MACROD2: variants seen among roughly 807,000 people sequenced by gnomAD.
MACROD2 encodes mono-ADP ribosylhydrolase 2.
MACROD2 carries 36 observed loss-of-function variants against 70.4 expected under a neutral mutation model. The observed-to-expected ratio is 0.51, with a 90% CI of 0.39 to 0.68. The LOEUF is 0.68. Ranked by LOEUF, MACROD2 falls within the 30% of genes least tolerant of loss-of-function variation. The pLI is 0.00. For missense variants in MACROD2, 496 were observed against 538.4 expected (o/e 0.92, Z 0.78); for synonymous variants, 172 against 178.8 (o/e 0.96, Z 0.30).
intron 8 of MACROD2, among the ~76,000 whole-genome samples, chr20:15,819,634 G>A (rs2063917952): frequency 6.6e-6 from 1 of 151,588 alleles, no homozygotes; most frequent in Non-Finnish European, 1.5e-5. Flanking sequence ...AGATGGGCAT[G>A]AAGGACATTT....
At chr20:14,058,791 G>GT (rs2053660212) in intron 2 of MACROD2, among the ~76,000 whole-genome samples, 1 of 151,620 alleles carries the variant, frequency 6.6e-6, no homozygotes, top group African/African-American at 2.4e-5. Context: ...CTACAGGCAT[G>GT]TGCCACCACA....
At chr20:14,259,552 CAG>C (rs1456369880) in intron 3 of MACROD2, among the ~76,000 whole-genome samples, 1 of 152,036 alleles carries the variant, frequency 6.6e-6, no homozygotes, top group African/African-American at 2.4e-5. Context: ...AACAAAAAAA[CAG>C]AAAGATGAGC....
At chr20:14,123,200 C>T (rs2054606530) in intron 3 of MACROD2, among the ~76,000 whole-genome samples, 1 of 152,090 alleles carries the variant, frequency 6.6e-6, no homozygotes, top group African/African-American at 2.4e-5. Context: ...CTGAATGTTA[C>T]AAAACTTTAA....
At chr20:14,312,827 T>C (rs2082578896) in intron 3 of MACROD2, among the ~76,000 whole-genome samples, 3 of 152,210 alleles carry the variant, frequency 2.0e-5, no homozygotes, top group African/African-American at 7.2e-5. Context: ...TGCTAGTAAG[T>C]GGTAGAAGCA....
chr20:15,610,190 C>T (rs1301057812), intron 8 of MACROD2, among the ~76,000 whole-genome samples: 2 of 152,158 alleles, frequency 1.3e-5, no homozygotes, highest in Non-Finnish European at 2.9e-5. Context: ...AGTATGTTAC[C>T]CATCTACTTC....
chr20:15,134,783 G>A (rs573592231), intron 5 of MACROD2, among the ~76,000 whole-genome samples: 7 of 152,144 alleles, frequency 4.6e-5, no homozygotes, highest in Non-Finnish European at 8.8e-5. Context: ...CCAGTTGCTG[G>A]TTTTTTGAAA....
At chr20:15,484,840 C>T (rs147397217) in intron 7 of MACROD2, among the ~76,000 whole-genome samples, 3 of 152,230 alleles carry the variant, frequency 2.0e-5, no homozygotes, top group African/African-American at 4.8e-5. Flanking sequence ...AGAGTTTAGG[C>T]TTTTCTACTC....
chr20:14,045,599 T>C (rs979999792), intron 2 of MACROD2, among the ~76,000 whole-genome samples: 2 of 152,096 alleles, frequency 1.3e-5, no homozygotes, highest in African/African-American at 4.8e-5. Flanking sequence ...ATTGATAGAG[T>C]CTAAATGAAG....
intron 5 of MACROD2, among the ~76,000 whole-genome samples, chr20:14,950,146 G>C (rs2073908206): frequency 6.6e-6 from 1 of 152,066 alleles, no homozygotes; most frequent in Non-Finnish European, 1.5e-5. Flanking sequence ...TGAAAACGTG[G>C]GGCCAGGTTG....
chr20:14,832,825 G>A lies in MACROD2; in HGVS notation c.418+147866G>A, dbSNP rs115483014. Among the ~76,000 whole-genome samples, 528 of 152,214 alleles carry A rather than the reference G, an allele frequency of 3.5e-3. 6 individuals are homozygous for A. Among genetic ancestry groups the A allele is most frequent in the African/African-American group, 0.012 (498 of 41,538 alleles). ...ACTTAGCCTGGGAAGTAGAAGTGAG[G>A]TAGAGAGTGAGCTAAGAACAGGGGA... On this transcript the variant is annotated intron_variant, in intron 5 of 17. Coordinates refer to ENST00000684519, the MANE Select transcript of MACROD2 (RefSeq NM_001351661.2).
chr20:15,752,674 A>T (rs780675054), intron 8 of MACROD2, among the ~76,000 whole-genome samples: 1 of 152,154 alleles, frequency 6.6e-6, no homozygotes, highest in Non-Finnish European at 1.5e-5. Context: ...TCTTGTATTA[A>T]ACTTTATAGC....
intron 5 of MACROD2, among the ~76,000 whole-genome samples, chr20:15,228,516 T>C (rs1160211355): frequency 7.6e-6 from 1 of 131,436 alleles, no homozygotes; most frequent in African/African-American, 3.0e-5. Context: ...TGAGATGGAG[T>C]CTCACTCCGT....
At chr20:15,754,397 C>T (rs545633738) in intron 8 of MACROD2, among the ~76,000 whole-genome samples, 7 of 152,220 alleles carry the variant, frequency 4.6e-5, no homozygotes, top group African/African-American at 1.7e-4. Flanking sequence ...CCAAGGTGGG[C>T]AGATCACCTG....
At chr20:15,787,780 G>C (rs1370677514) in intron 8 of MACROD2, among the ~76,000 whole-genome samples, 1 of 152,062 alleles carries the variant, frequency 6.6e-6, no homozygotes, top group African/African-American at 2.4e-5. Flanking sequence ...GAAATGTTAT[G>C]TAAAATCTTT....
chr20:15,297,696 A>T (rs6043182), intron 6 of MACROD2, among the ~76,000 whole-genome samples: 1 of 152,234 alleles, frequency 6.6e-6, no homozygotes, highest in Admixed American at 6.5e-5. Context: ...ACAATTTCCT[A>T]CTTTTATGGT....
intron 8 of MACROD2, among the ~76,000 whole-genome samples, chr20:15,583,355 A>G (rs1211625181): frequency 6.6e-6 from 1 of 152,242 alleles, no homozygotes; most frequent in East Asian, 1.9e-4. Flanking sequence ...ATTATGTATC[A>G]AAGCTAATGT....
intron 2 of MACROD2, among the ~76,000 whole-genome samples, chr20:14,080,172 G>T (rs1489698560): frequency 6.6e-6 from 1 of 152,004 alleles, no homozygotes; most frequent in African/African-American, 2.4e-5. Context: ...GGTCAGGCAC[G>T]GTGGCTCACG....
chr20:14,405,947 T>C (rs2083686607), intron 3 of MACROD2, among the ~76,000 whole-genome samples: 1 of 152,182 alleles, frequency 6.6e-6, no homozygotes, highest in Non-Finnish European at 1.5e-5. Context: ...TGGAATTTTA[T>C]TTTCTGATTT....
chr20:15,679,527 C>G (rs2050131449), intron 8 of MACROD2, among the ~76,000 whole-genome samples: 1 of 152,150 alleles, frequency 6.6e-6, no homozygotes, highest in African/African-American at 2.4e-5. Flanking sequence ...TTGCTTAAAC[C>G]AACAGAATGT....
Sources: gnomAD v4.1 joint callset for allele counts (sites outside exome capture counted in the v4.1 genomes callset) on GRCh38, gnomAD v4.1.1 for gene constraint, MANE v1.5 for transcripts, NCBI Gene and HGNC (gene_info 2026-07-23, HGNC 2026-07-21) for gene names.